The following ZNF407 variants were observed in gnomAD, a reference collection of about 807,000 sequenced individuals.
ZNF407 encodes zinc finger protein 407.
ZNF407 carries 17 observed loss-of-function variants against 131.2 expected under a neutral mutation model. The observed-to-expected ratio is 0.13, with a 90% CI of 0.09 to 0.19. The LOEUF (loss-of-function observed/expected upper bound fraction) is 0.19. Among genes scored for constraint, ZNF407 ranks in the 10% least tolerant of loss-of-function variants. The probability of loss-of-function intolerance (pLI) is 1.00; values close to 1 mark genes in which losing one functional copy is unlikely to be tolerated. For synonymous variants in ZNF407, 1,156 were observed against 1,062.0 expected (o/e 1.09, Z -1.72); for missense variants, 2,681 against 2,830.6 (o/e 0.95, Z 1.20).
At chr18:74,721,256 GC>G (rs540519262) in intron 3 of ZNF407, among the ~76,000 whole-genome samples, 3 of 151,750 alleles carry the variant, frequency 2.0e-5, no homozygotes, top group Non-Finnish European at 4.4e-5. Context: ...TTATTTTGTA[GC>G]TGTTGTAAAC....
intron 7 of ZNF407, among the ~76,000 whole-genome samples, chr18:74,890,748 T>C (rs1226916829): frequency 1.3e-5 from 2 of 152,050 alleles, no homozygotes; most frequent in East Asian, 3.9e-4. Context: ...CAGATTTGAA[T>C]GGGAAAAGAG....
At chr18:74,686,372 T>C (rs147580948) in intron 3 of ZNF407, among the ~76,000 whole-genome samples, 5 of 152,220 alleles carry the variant, frequency 3.3e-5, no homozygotes, top group Non-Finnish European at 7.3e-5. Flanking sequence ...TAACTCCTGG[T>C]GCTCCTGGTC....
intron 4 of ZNF407, among the ~76,000 whole-genome samples, chr18:74,798,733 G>A (rs1247512332): frequency 1.3e-5 from 2 of 152,084 alleles, no homozygotes; most frequent in African/African-American, 4.8e-5. Context: ...AGGAAAAACA[G>A]TCTTTATTAT....
intron 6 of ZNF407, among the ~76,000 whole-genome samples, chr18:74,883,061 G>T (rs1971259659): frequency 6.6e-6 from 1 of 152,202 alleles, no homozygotes; most frequent in African/African-American, 2.4e-5. Flanking sequence ...GATCGATCAG[G>T]AAGCCTGCAC....
intron 4 of ZNF407, among the ~76,000 whole-genome samples, chr18:74,797,778 G>A (rs1442801224): frequency 6.6e-6 from 1 of 151,550 alleles, no homozygotes; most frequent in Non-Finnish European, 1.5e-5. Context: ...TGCCTTTAGT[G>A]TGTGAAGTGC....
At chr18:75,060,778 G>T (rs1194863744) in intron 8 of ZNF407, among the ~76,000 whole-genome samples, 7 of 151,668 alleles carry the variant, frequency 4.6e-5, no homozygotes, top group East Asian at 3.9e-4. Context: ...GTGCTGGGAT[G>T]ACAGGCGTCG....
At chr18:74,614,722 AT>A (rs779467495) in intron 1 of ZNF407, among the ~76,000 whole-genome samples, 4 of 152,194 alleles carry the variant, frequency 2.6e-5, no homozygotes, top group Admixed American at 6.5e-5. Flanking sequence ...GATTAGCTAG[AT>A]TTATAAATGA....
At chr18:75,020,927 G>A (rs1205745118) in intron 8 of ZNF407, among the ~76,000 whole-genome samples, 1 of 152,102 alleles carries the variant, frequency 6.6e-6, no homozygotes, top group Non-Finnish European at 1.5e-5. Context: ...GCCGTGGCTG[G>A]AGGAGAGCAA....
chr18:74,961,705 A>ACT (rs142182862), intron 8 of ZNF407, among the ~76,000 whole-genome samples: 7,060 of 150,032 alleles, frequency 0.047, 570 homozygotes, highest in African/African-American at 0.16. Context: ...GGCGACAGAG[A>ACT]CTGTCTCAAT....
At chr18:74,613,899 T>C (rs1383415200) in intron 1 of ZNF407, among the ~76,000 whole-genome samples, 2 of 152,178 alleles carry the variant, frequency 1.3e-5, no homozygotes, top group Non-Finnish European at 2.9e-5. Context: ...GTAATGCCAG[T>C]CTAACCATCA....
At chr18:74,952,250 C>A (rs746853753) in intron 8 of ZNF407, among the ~76,000 whole-genome samples, 1 of 152,136 alleles carries the variant, frequency 6.6e-6, no homozygotes, top group African/African-American at 2.4e-5. Context: ...CTCTATGAAC[C>A]TTTGGTAGCT....
At chr18:74,917,543 C>G (rs1485164612) in intron 7 of ZNF407, among the ~76,000 whole-genome samples, 1 of 152,110 alleles carries the variant, frequency 6.6e-6, no homozygotes, top group Non-Finnish European at 1.5e-5. Flanking sequence ...CTCCCTTTGT[C>G]CCCATATACG....
chr18:74,799,842 A>G (rs1456326243), intron 4 of ZNF407, among the ~76,000 whole-genome samples: 1 of 151,254 alleles, frequency 6.6e-6, no homozygotes, highest in Non-Finnish European at 1.5e-5. Context: ...AACATGTTTT[A>G]GATGTATTTG....
At chr18:75,059,277 T>C (rs1025654019) in intron 8 of ZNF407, among the ~76,000 whole-genome samples, 2 of 152,218 alleles carry the variant, frequency 1.3e-5, no homozygotes, top group African/African-American at 4.8e-5. Flanking sequence ...AGTTACAAAG[T>C]AAAGAACAAT....
In ZNF407 at chr18:74,641,049, G is replaced by A. The variant is rs1984689374; in HGVS notation, c.4729G>A (p.Ala1577Thr). Residue 1577 changes from alanine to threonine, a missense_variant, in exon 3 of 9, where the codon GCT (alanine) becomes ACT (threonine). Ala to Thr is a moderately conservative substitution (Grantham distance 58, BLOSUM62 0). Around this residue, in one of 6 missense-constraint regions of ZNF407, gnomAD observed 213 missense variants for 332.2 expected, o/e 0.64. Transcript: ENST00000299687. ...FKCKICHFATAQLGDARNHVK... is the reference protein window; with the variant it reads ...FKCKICHFATTQLGDARNHVK... ...GTGCAAGATATGCCATTTTGCAACA[G>A]CTCAGCTTGGAGATGCCAGAAACCA... is the stretch of plus-strand genomic sequence containing the variant. The A allele has an allele frequency of 3.1e-6, 5 of 1,613,374 alleles. No individual in the cohort carries two copies. Among genetic ancestry groups the A allele is most frequent in the South Asian group, 2.2e-5 (2 of 91,060 alleles).
intron 7 of ZNF407, among the ~76,000 whole-genome samples, chr18:74,915,694 AGTGT>A (rs148897853): frequency 2.7e-3 from 16 of 5,832 alleles, no homozygotes; most frequent in African/African-American, 8.8e-3. Context: ...TCGAATCGGG[AGTGT>A]GTGTGTGTGT....
intron 3 of ZNF407, among the ~76,000 whole-genome samples, chr18:74,718,842 G>A (rs1016820780): frequency 6.6e-6 from 1 of 152,058 alleles, no homozygotes; most frequent in Middle Eastern, 3.2e-3. Context: ...CCTATGAAAG[G>A]AAATAACTTT....
In ZNF407 at chr18:75,008,182, ACCT is replaced by A. The variant is rs571597336; in HGVS notation, c.5429-54965_5429-54963del. Among the ~76,000 whole-genome samples the A allele has an allele frequency of 1.2e-4, 19 of 152,114 alleles. No homozygotes were observed. The South Asian group carries it at 4.0e-3, about 32-fold the overall frequency. ...GGGACCCATGGAGGTTTTATTGCTG[ACCT>A]CCGTGCAAGTCCCTTGAAGGATACA... On this transcript the variant is annotated intron_variant, in intron 8 of 8. Transcript: ENST00000299687.
chr18:75,055,307 A>C (rs576688790), intron 8 of ZNF407, among the ~76,000 whole-genome samples: 1 of 152,280 alleles, frequency 6.6e-6, no homozygotes, highest in Non-Finnish European at 1.5e-5. Context: ...TGTTTCTGTC[A>C]CCTGAGTTCG....
Sources: gnomAD v4.1 joint callset for allele counts (sites outside exome capture counted in the v4.1 genomes callset) on GRCh38, gnomAD v4.1.1 for gene constraint, gnomAD v4.1.1 regional missense constraint, MANE v1.5 for transcripts, NCBI Gene and HGNC (gene_info 2026-07-23, HGNC 2026-07-21) for gene names.